Variants in BEND7 observed in about 807,000 individuals in gnomAD.
BEND7 encodes BEN domain-containing protein 7.
Under a neutral mutation model 50.9 loss-of-function variants are expected in BEND7, and 28 were observed. The observed-to-expected ratio is 0.55, with a 90% CI of 0.41 to 0.75. BEND7 has a LOEUF of 0.75. Ranked by LOEUF, BEND7 falls within the 30% of genes least tolerant of loss-of-function variation. The pLI is 0.00. For missense variants in BEND7, 477 were observed against 491.3 expected (o/e 0.97, Z 0.28); for synonymous variants, 170 against 183.9 (o/e 0.92, Z 0.61).
chr10:13,498,552 A>G (rs2077204398), intron 3 of BEND7, among the ~76,000 whole-genome samples: 1 of 152,218 alleles, frequency 6.6e-6, no homozygotes, highest in African/African-American at 2.4e-5. Context: ...AACTTCATAC[A>G]TACCTAAGGG....
intron 2 of BEND7, among the ~76,000 whole-genome samples, chr10:13,507,820 G>A (rs1186974814): frequency 6.6e-6 from 1 of 152,170 alleles, no homozygotes; most frequent in East Asian, 1.9e-4. Context: ...GCACAACACT[G>A]TGAACGTATT....
chr10:13,506,951 A>G (rs2077940499), intron 2 of BEND7, among the ~76,000 whole-genome samples: 1 of 152,038 alleles, frequency 6.6e-6, no homozygotes, highest in African/African-American at 2.4e-5. Context: ...GGAGATATGG[A>G]GTCTAGTTTC....
chr10:13,483,895 T>A (rs564713551), intron 5 of BEND7, among the ~76,000 whole-genome samples: 1 of 152,000 alleles, frequency 6.6e-6, no homozygotes, highest in African/African-American at 2.4e-5. Context: ...ATCTTGAAGG[T>A]AGGATTCAGG....
At chr10:13,496,183 G>A (rs944843763) in intron 4 of BEND7, among the ~76,000 whole-genome samples, 2 of 152,202 alleles carry the variant, frequency 1.3e-5, no homozygotes, top group African/African-American at 2.4e-5. Context: ...ATTTACAGAC[G>A]TGAAATAGGA....
rs767434471 is a variant in BEND7 at position 13,441,769 on chromosome 10, C to T, written c.1235-19G>A. On this transcript the variant is annotated intron_variant, in intron 8 of 8. Coordinates refer to ENST00000466271, the MANE Select transcript of BEND7 (RefSeq NM_001369863.1). Reference sequence around the variant, plus strand: ...CAGACCACTTGAGAAAACAAAGGGACTGTTGTCAGGAACGGGATTACTTAC... The same window carrying T: ...CAGACCACTTGAGAAAACAAAGGGATTGTTGTCAGGAACGGGATTACTTAC... 3 of 1,613,050 alleles carry T rather than the reference C, an allele frequency of 1.9e-6. No homozygotes were observed. In the South Asian group the frequency reaches 3.3e-5, roughly 18 times the overall value.
rs529882072 is a variant in BEND7, at chr10:13,486,320, T to C, written c.838-5196A>G. The stretch of plus-strand genomic sequence containing the variant: ...CTGGGATTATAGGCGGGAGCCAACA[T>C]GCTCAGCCTGTCATTTATTAAATCC... On this transcript the variant is annotated intron_variant, in intron 5 of 8. Coordinates refer to ENST00000466271, the MANE Select transcript of BEND7 (RefSeq NM_001369863.1). 3.3e-5 allele frequency among the ~76,000 whole-genome samples: 5 copies of C among 152,320 alleles called. No homozygotes were observed. The East Asian group carries it at 9.6e-4, about 29-fold the overall frequency.
At position 13,453,754 on chromosome 10, in the gene BEND7, C is replaced by G. The variant is rs543840704; in HGVS notation, c.1064-1096G>C. Reference sequence around the variant, plus strand: ...TTTATACCTACTAAAATCAGAAAAACAATGTTAGAAAGCTAATACTTGATA... The same window carrying G: ...TTTATACCTACTAAAATCAGAAAAAGAATGTTAGAAAGCTAATACTTGATA... On this transcript the variant is annotated intron_variant, in intron 6 of 8. Transcript: ENST00000466271. Among the ~76,000 whole-genome samples the G allele has an allele frequency of 4.6e-5, 7 of 152,248 alleles. No individual in the cohort carries two copies. In the South Asian group the frequency reaches 1.4e-3, roughly 32 times the overall value.
At position 13,492,881 on chromosome 10, in the gene BEND7, G is replaced by A. The variant is rs368248593; in HGVS notation, c.572-5C>T. On this transcript the variant is annotated splice_polypyrimidine_tract_variant and splice_region_variant and intron_variant, in intron 4 of 8. Transcript: ENST00000466271. ...GTTGTCTGTTTTGAGTTCCAACTGCGAATAATAAACAAAAATATGGTACAG... is the reference window on the plus strand; with the variant it reads ...GTTGTCTGTTTTGAGTTCCAACTGCAAATAATAAACAAAAATATGGTACAG... 23 of 1,593,214 alleles carry A rather than the reference G, an allele frequency of 1.4e-5. No individual in the cohort carries two copies. Among genetic ancestry groups the A allele is most frequent in the African/African-American group, 9.6e-5 (7 of 73,110 alleles).
chr10:13,478,537 TAA>T (rs1411059204), intron 6 of BEND7, among the ~76,000 whole-genome samples: 1 of 152,174 alleles, frequency 6.6e-6, no homozygotes, highest in Non-Finnish European at 1.5e-5. Flanking sequence ...AATTTTCTTA[TAA>T]AACAGTCAAA....
intron 6 of BEND7, among the ~76,000 whole-genome samples, chr10:13,475,647 T>G (rs1406850249): frequency 6.6e-6 from 1 of 152,238 alleles, no homozygotes; most frequent in Non-Finnish European, 1.5e-5. Context: ...ATGCTTTGCA[T>G]AAACAACCGA....
chr10:13,492,968 A>T (rs1354301723), intron 4 of BEND7, 92 bp from the exon 5 acceptor site: 2 of 1,441,400 alleles, frequency 1.4e-6, no homozygotes, highest in Admixed American at 4.7e-5. Context: ...ACAAACTGAA[A>T]CCGAAACGAG....
intron 5 of BEND7, among the ~76,000 whole-genome samples, chr10:13,484,154 G>A (rs978943023): frequency 6.6e-6 from 1 of 152,194 alleles, no homozygotes; most frequent in Admixed American, 6.5e-5. Context: ...AGCGGCAGCC[G>A]GGGCACAGGT....
rs78181145 is a variant in BEND7 at position 13,455,221 on chromosome 10, C to T, written c.1064-2563G>A. Among the ~76,000 whole-genome samples the T allele has an allele frequency of 7.9e-5, 12 of 152,080 alleles. No individual in the cohort carries two copies. In the East Asian group the frequency reaches 2.1e-3, roughly 27 times the overall value. Reference sequence around the variant, plus strand: ...CAAAACAAAACAGTGAGAGAGAGAACGTTCACCAGAGAGAACATGGAGAGT... The same window carrying T: ...CAAAACAAAACAGTGAGAGAGAGAATGTTCACCAGAGAGAACATGGAGAGT... On this transcript the variant is annotated intron_variant, in intron 6 of 8. Coordinates refer to ENST00000466271, the MANE Select transcript of BEND7 (RefSeq NM_001369863.1).
intron 6 of BEND7, among the ~76,000 whole-genome samples, chr10:13,463,885 A>G (rs2073966760): frequency 6.6e-6 from 1 of 152,222 alleles, no homozygotes; most frequent in Non-Finnish European, 1.5e-5. Context: ...AAACAGGAAA[A>G]GGATGGAAAT....
At chr10:13,464,537 G>A (rs549493721) in intron 6 of BEND7, among the ~76,000 whole-genome samples, 31 of 152,242 alleles carry the variant, frequency 2.0e-4, no homozygotes, top group African/African-American at 6.0e-4. Context: ...CATTACTCTG[G>A]GGCGGGGAAG....
chr10:13,467,385 A>G (rs1312105963), intron 6 of BEND7, among the ~76,000 whole-genome samples: 1 of 152,220 alleles, frequency 6.6e-6, no homozygotes, highest in Non-Finnish European at 1.5e-5. Context: ...ATTTAAACCA[A>G]AATCCCACAA....
At chr10:13,500,413 G>T (rs2077355512) in intron 2 of BEND7, 1 of 688,720 alleles carries the variant, frequency 1.5e-6, no homozygotes, top group Non-Finnish European at 1.9e-6. Flanking sequence ...GGCTGAGACA[G>T]AAGGTCAAGG....
intron 3 of BEND7, among the ~76,000 whole-genome samples, chr10:13,499,339 C>A (rs866982217): frequency 1.3e-5 from 2 of 151,962 alleles, no homozygotes; most frequent in African/African-American, 4.8e-5. Flanking sequence ...TGTCCGCCCC[C>A]GCCTTTATCT....
At chr10:13,518,281 T>C (rs1450762077) in intron 2 of BEND7, among the ~76,000 whole-genome samples, 1 of 142,120 alleles carries the variant, frequency 7.0e-6, no homozygotes, top group Non-Finnish European at 1.6e-5. Context: ...ATGCGGGCCG[T>C]GGCGAGCAGG....
Sources: gnomAD v4.1 joint callset for allele counts (sites outside exome capture counted in the v4.1 genomes callset) on GRCh38, gnomAD v4.1.1 for gene constraint, MANE v1.5 for transcripts, NCBI Gene and HGNC (gene_info 2026-07-23, HGNC 2026-07-21) for gene names.